GORASP2: variants seen among roughly 807,000 people sequenced by gnomAD.
The protein encoded by GORASP2 is Golgi reassembly-stacking protein 2.
In GORASP2, 22 loss-of-function variants were observed where a neutral mutation model predicts 45.7. That is an observed-to-expected ratio of 0.48 (90% CI 0.34 to 0.69). The LOEUF (loss-of-function observed/expected upper bound fraction) is 0.69, where lower values mean the gene tolerates loss of function less well. GORASP2 is among the 30% of genes least tolerant of loss of function. The pLI is 0.01. For missense variants in GORASP2, 491 were observed against 562.7 expected (o/e 0.87, Z 1.29); for synonymous variants, 221 against 215.6 (o/e 1.02, Z -0.22).
intron 1 of GORASP2, among the ~76,000 whole-genome samples, chr2:170,937,655 G>A (rs1242789158): frequency 6.6e-6 from 1 of 152,100 alleles, no homozygotes; most frequent in Non-Finnish European, 1.5e-5. Context: ...GAAAGAGAGA[G>A]GGAAGGAGGG....
intron 1 of GORASP2, among the ~76,000 whole-genome samples, chr2:170,934,779 C>G (rs1005768772): frequency 1.3e-5 from 2 of 151,920 alleles, no homozygotes; most frequent in African/African-American, 2.4e-5. Context: ...GCTCTGTTGC[C>G]ACGGCTGGAG....
At chr2:170,950,517 G>A (rs1190512100) in intron 4 of GORASP2, among the ~76,000 whole-genome samples, 1 of 152,200 alleles carries the variant, frequency 6.6e-6, no homozygotes, top group African/African-American at 2.4e-5. Flanking sequence ...GATTTTATGT[G>A]TAATATACAG....
Position 170,929,303 on chromosome 2 carries a change from C to G in GORASP2, c.-38C>G, listed in dbSNP as rs764719330. The G allele has an allele frequency of 1.5e-6, 2 of 1,332,324 alleles. No individual in the cohort carries two copies. The highest frequency in any genetic ancestry group is 3.9e-5 in the Admixed American group (1 of 25,602). The allele number at this position is 1,332,324 out of a possible 1,614,324, so 82.5% of individuals were successfully genotyped here. On this transcript the variant is annotated 5_prime_UTR_variant, in exon 1 of 10. Transcript: ENST00000234160. ...GGCGGTGCGCTGGGGGCGGGAGCAG[C>G]GCGGAGCCCGGCTCGGCCACACCGA... is the stretch of plus-strand genomic sequence containing the variant.
chr2:170,929,876 C>T lies in GORASP2; in HGVS notation c.63+473C>T, dbSNP rs117720442. ...CCTGCGGCGGCAGGTGTTAAATCACCTCGGCGCCGGCCGAGTGGCCTGAAA... is the reference window on the plus strand; with the variant it reads ...CCTGCGGCGGCAGGTGTTAAATCACTTCGGCGCCGGCCGAGTGGCCTGAAA... On this transcript the variant is annotated intron_variant, in intron 1 of 9. Transcript: ENST00000234160. 164 of 421,638 alleles carry T rather than the reference C, an allele frequency of 3.9e-4. 3 individuals are homozygous for T. In the East Asian group the frequency reaches 9.3e-3, roughly 24 times the overall value. 26.1% of individuals were successfully genotyped at this position (421,638 alleles called of 1,614,324 possible). A position where few individuals can be genotyped will look rare whatever the true frequency, so the allele number is the denominator to read the frequency against.
intron 1 of GORASP2, among the ~76,000 whole-genome samples, chr2:170,932,772 C>G (rs912472102): frequency 2.0e-5 from 3 of 152,216 alleles, no homozygotes; most frequent in Non-Finnish European, 4.4e-5. Flanking sequence ...GCCCCTTAGC[C>G]ATGTTTCACA....
rs778588514 is a variant in GORASP2, at chr2:170,948,334, G to A, written c.64-16G>A. Reference sequence around the variant, plus strand: ...AAGCTTTACATTTTTTATTTTTGTCGTTTTTGTTTCCGCAGGTACAAGAAA... The same window carrying A: ...AAGCTTTACATTTTTTATTTTTGTCATTTTTGTTTCCGCAGGTACAAGAAA... On this transcript the variant is annotated splice_polypyrimidine_tract_variant and intron_variant, in intron 1 of 9. Transcript: ENST00000234160. The A allele has an allele frequency of 6.5e-5, 97 of 1,497,588 alleles. No individual in the cohort carries two copies. Among genetic ancestry groups the A allele is most frequent in the South Asian group, 2.0e-4 (17 of 85,364 alleles). The allele number at this position is 1,497,588 out of a possible 1,614,324, so 92.8% of individuals were successfully genotyped here.
chr2:170,929,389 T>C lies in GORASP2; in HGVS notation c.49T>C (p.Tyr17His). The C allele has an allele frequency of 7.0e-7, 1 of 1,419,652 alleles. No homozygotes were observed. The highest frequency in any genetic ancestry group is 9.2e-7 in the Non-Finnish European group (1 of 1,085,140). 87.9% of individuals were successfully genotyped at this position (1,419,652 alleles called of 1,614,324 possible). Residue 17 changes from tyrosine (Y) to histidine (H), a missense_variant, in exon 1 of 10, where the codon TAC becomes CAC. By Grantham distance (83) the Tyr-to-His change is moderately conservative. Transcript: ENST00000234160. ...GATCCCGGGCGGGGGCACCGAGGGC[T>C]ACCACGTTCTGCGGGTAAGGGCTCC... The part of the protein sequence containing the change: ...VEIPGGGTEG[Y>H]HVLRVQENSP...
At position 170,944,249 on chromosome 2, in the gene GORASP2, G is replaced by C. The variant is rs535866576; in HGVS notation, c.64-4101G>C. Reference sequence around the variant, plus strand: ...ACTTACCTGTGTCAGTGTTTGGTTTGCTATGTTGTAGATCATATTTTCCAT... The same window carrying C: ...ACTTACCTGTGTCAGTGTTTGGTTTCCTATGTTGTAGATCATATTTTCCAT... On this transcript the variant is annotated intron_variant, in intron 1 of 9. Transcript: ENST00000234160. Among the ~76,000 whole-genome samples, 6 of 152,246 alleles carry C rather than the reference G, an allele frequency of 3.9e-5. No individual in the cohort carries two copies. In the South Asian group the frequency reaches 1.2e-3, roughly 32 times the overall value.
chr2:170,961,046 G>A (rs1013295253), intron 7 of GORASP2, among the ~76,000 whole-genome samples: 5 of 152,184 alleles, frequency 3.3e-5, no homozygotes, highest in East Asian at 3.8e-4. Context: ...TTACTTGTAC[G>A]TGAGGAACGT....
At chr2:170,933,712 G>C (rs1469599772) in intron 1 of GORASP2, among the ~76,000 whole-genome samples, 1 of 26,826 alleles carries the variant, frequency 3.7e-5, no homozygotes, top group Non-Finnish European at 1.2e-4. Flanking sequence ...ACACTTAAAA[G>C]AGATGGGGAA....
intron 1 of GORASP2, among the ~76,000 whole-genome samples, chr2:170,939,463 A>G (rs972421812): frequency 6.6e-6 from 1 of 152,262 alleles, no homozygotes; most frequent in African/African-American, 2.4e-5. Context: ...GTCTCTCCTT[A>G]TCCACAGTTT....
chr2:170,956,411 GT>G (rs764652794), intron 6 of GORASP2, 24 bp from the exon 7 acceptor site: 1 of 1,571,472 alleles, frequency 6.4e-7, no homozygotes, highest in Non-Finnish European at 8.6e-7. Context: ...AGTAATCTTT[GT>G]GTTTTTTTTT....
chr2:170,954,854 A>G (rs1394801537), intron 6 of GORASP2, 72 bp downstream of exon 6: 9 of 1,124,214 alleles, frequency 8.0e-6, no homozygotes, highest in South Asian at 1.4e-5. Flanking sequence ...CAGTGCTACT[A>G]TATGGCAGTA....
At chr2:170,958,483 T>C (rs1356321549) in intron 7 of GORASP2, among the ~76,000 whole-genome samples, 4 of 152,060 alleles carry the variant, frequency 2.6e-5, no homozygotes, top group Non-Finnish European at 5.9e-5. Context: ...TCAAGCAGTA[T>C]GAGTCCTTTT....
At chr2:170,929,224 C>T, upstream of GORASP2, 1 of 768,998 alleles carries the variant, frequency 1.3e-6, no homozygotes, top group Non-Finnish European at 1.8e-6. Flanking sequence ...TGCGGCCCGG[C>T]TCTCCGGCGG....
At chr2:170,961,512 G>A (rs1408775913) in intron 7 of GORASP2, 151 bp from the exon 8 acceptor site, 6 of 652,532 alleles carry the variant, frequency 9.2e-6, no homozygotes, top group East Asian at 5.4e-5. Context: ...CTGCCGTAAA[G>A]GGTGATGGAC....
At chr2:170,963,537 C>G (rs576980412) in intron 9 of GORASP2, among the ~76,000 whole-genome samples, 1 of 140,060 alleles carries the variant, frequency 7.1e-6, no homozygotes, top group African/African-American at 2.6e-5. Context: ...TGGAGTGGCC[C>G]TGCTGCACTG....
intron 9 of GORASP2, among the ~76,000 whole-genome samples, chr2:170,963,473 C>CCCCCTCCT (rs1559316839): frequency 1.6e-5 from 2 of 127,642 alleles, no homozygotes; most frequent in Non-Finnish European, 3.3e-5. Flanking sequence ...CTCCTCCTCC[C>CCCCCTCCT]CCTCCTCCTC....
chr2:170,935,524 G>C (rs997296002), intron 1 of GORASP2, among the ~76,000 whole-genome samples: 19 of 151,458 alleles, frequency 1.3e-4, no homozygotes, highest in African/African-American at 4.6e-4. Context: ...CAAAGTGTAG[G>C]GATTTCAGGT....
Sources: allele counts gnomAD v4.1 joint callset (sites outside exome capture counted in the v4.1 genomes callset), GRCh38; gene constraint gnomAD v4.1.1; transcripts MANE v1.5; gene names NCBI Gene and HGNC (gene_info 2026-07-23, HGNC 2026-07-21).